The following SH3KBP1 variants were observed in gnomAD, a reference collection of about 807,000 sequenced individuals.
The protein encoded by SH3KBP1 is SH3 domain containing kinase binding protein 1.
In SH3KBP1, 8 loss-of-function variants were observed where a neutral mutation model predicts 50.1. That is an observed-to-expected ratio of 0.16 (90% CI 0.09 to 0.29). SH3KBP1 has a LOEUF of 0.29. Among genes scored for constraint, SH3KBP1 ranks in the 10% least tolerant of loss-of-function variants. The pLI is 1.00. For synonymous variants in SH3KBP1, 227 were observed against 218.6 expected, an observed-to-expected ratio of 1.04 and a Z score of -0.34; for missense variants, 377 against 535.2, an observed-to-expected ratio of 0.70 and a Z score of 2.92.
chrX:19,810,813 C>T (rs753619706), intron 2 of SH3KBP1, among the ~76,000 whole-genome samples: 1 of 112,136 alleles, frequency 8.9e-6, no homozygotes, highest in African/African-American at 3.2e-5. Flanking sequence ...TTTTTAACCA[C>T]CACTGACAGC....
chrX:19,625,361 G>T (rs1275724157), intron 8 of SH3KBP1, among the ~76,000 whole-genome samples: 3 of 111,079 alleles, frequency 2.7e-5, no homozygotes, highest in African/African-American at 6.6e-5. Context: ...ACAGCGAGTG[G>T]AAAGCTAAGT....
At chrX:19,649,684 A>G (rs375782001) in intron 6 of SH3KBP1, among the ~76,000 whole-genome samples, 5 of 112,119 alleles carry the variant, frequency 4.5e-5, no homozygotes, top group East Asian at 5.6e-4. Flanking sequence ...TTTCGTGTAC[A>G]GTGGGAGTAT....
chrX:19,818,588 A>C (rs934765989), intron 2 of SH3KBP1, among the ~76,000 whole-genome samples: 2 of 111,338 alleles, frequency 1.8e-5, no homozygotes, highest in African/African-American at 6.5e-5. Context: ...AGTTGGGGGA[A>C]TTCCTCTCTA....
At chrX:19,537,395 T>C (rs755974302) in intron 17 of SH3KBP1, among the ~76,000 whole-genome samples, 19 of 108,023 alleles carry the variant, frequency 1.8e-4, no homozygotes, top group Non-Finnish European at 3.5e-4. Context: ...GAGGCGGAGG[T>C]TGCAGTGAGC....
intron 2 of SH3KBP1, among the ~76,000 whole-genome samples, chrX:19,783,959 CA>C (rs2066262205): frequency 8.9e-6 from 1 of 111,785 alleles, no homozygotes; most frequent in South Asian, 3.7e-4. Flanking sequence ...ATTCAAAGAC[CA>C]GCAGAATTAC....
At chrX:19,815,031 C>A (rs1230734413) in intron 2 of SH3KBP1, among the ~76,000 whole-genome samples, 9 of 112,128 alleles carry the variant, frequency 8.0e-5, no homozygotes, top group Admixed American at 3.8e-4. Flanking sequence ...TGAGAAAGAA[C>A]TGAAACACCT....
At chrX:19,822,790 C>A (rs1277986388) in intron 2 of SH3KBP1, among the ~76,000 whole-genome samples, 1 of 111,919 alleles carries the variant, frequency 8.9e-6, no homozygotes, top group African/African-American at 3.3e-5. Flanking sequence ...CTGGCATTAA[C>A]CCTATTGAGG....
At chrX:19,755,171 C>T (rs1045707474) in intron 2 of SH3KBP1, among the ~76,000 whole-genome samples, 29 of 110,886 alleles carry the variant, frequency 2.6e-4, no homozygotes, top group African/African-American at 9.2e-4. Flanking sequence ...AGTTTGAGAC[C>T]AGCCTGGCCA....
intron 16 of SH3KBP1, among the ~76,000 whole-genome samples, chrX:19,538,363 C>T (rs1227384174): frequency 9.1e-6 from 1 of 109,372 alleles, no homozygotes; most frequent in Non-Finnish European, 1.9e-5. Context: ...CACCACCATG[C>T]CAGGCCAATT....
chrX:19,808,392 T>A (rs915560727), intron 2 of SH3KBP1, among the ~76,000 whole-genome samples: 9 of 109,975 alleles, frequency 8.2e-5, no homozygotes, highest in Non-Finnish European at 1.3e-4. Flanking sequence ...CCATCCCCCA[T>A]CTGCAATGGT....
chrX:19,647,594 C>T (rs2062018687), intron 6 of SH3KBP1, among the ~76,000 whole-genome samples: 1 of 111,645 alleles, frequency 9.0e-6, no homozygotes, highest in Non-Finnish European at 1.9e-5. Context: ...GATGGTGAAG[C>T]TGGTATTATC....
intron 2 of SH3KBP1, among the ~76,000 whole-genome samples, chrX:19,803,898 C>A (rs2066956444): frequency 8.9e-6 from 1 of 112,180 alleles, no homozygotes; most frequent in African/African-American, 3.2e-5. Context: ...CCAGGCTGGG[C>A]ACAGTGGCTC....
At chrX:19,883,039 T>C (rs1326396368) in intron 1 of SH3KBP1, among the ~76,000 whole-genome samples, 1 of 112,350 alleles carries the variant, frequency 8.9e-6, no homozygotes, top group Non-Finnish European at 1.9e-5. Context: ...CAGAGTGCCT[T>C]GTGTACCCCA....
At chrX:19,567,557 AATAT>A (rs1555990522) in intron 13 of SH3KBP1, among the ~76,000 whole-genome samples, 2 of 35,087 alleles carry the variant, frequency 5.7e-5, no homozygotes, top group East Asian at 8.1e-4. Flanking sequence ...AAAAAAAAAA[AATAT>A]ATATATATAT....
At chrX:19,596,572 C>T (rs904513290) in intron 9 of SH3KBP1, among the ~76,000 whole-genome samples, 1 of 111,751 alleles carries the variant, frequency 8.9e-6, no homozygotes, top group Non-Finnish European at 1.9e-5. Context: ...AAAAATTTTT[C>T]TGTATCATGC....
rs397800260 is a variant in SH3KBP1, at chrX:19,551,550, C to CTTTTTTTTTTTTTTTTTTTTTTTT, written c.1385-1468_1385-1467insAAAAAAAAAAAAAAAAAAAAAAAA. On this transcript the variant is annotated intron_variant, in intron 13 of 17. Transcript: ENST00000397821. ...CTTTCTTTTCTTTCCCTCCCTCCCT[C>CTTTTTTTTTTTTTTTTTTTTTTTT]TTTTTTTTTTTTTTGACAGGGTCTT... 1.3e-3 allele frequency among the ~76,000 whole-genome samples: 120 copies of CTTTTTTTTTTTTTTTTTTTTTTTT among 95,126 alleles called. 5 individuals are homozygous for CTTTTTTTTTTTTTTTTTTTTTTTT. The highest frequency in any genetic ancestry group is 5.0e-3 in the African/African-American group (115 of 23,212). The allele number at this position is 95,126 out of a possible 115,157, so 82.6% of individuals were successfully genotyped here.
At chrX:19,570,064 G>A (rs1371888229) in intron 12 of SH3KBP1, among the ~76,000 whole-genome samples, 1 of 112,136 alleles carries the variant, frequency 8.9e-6, no homozygotes, top group African/African-American at 3.2e-5. Flanking sequence ...GGCCACCATG[G>A]CCTGAAGTTA....
At chrX:19,565,084 G>A (rs983664125) in intron 13 of SH3KBP1, among the ~76,000 whole-genome samples, 1 of 75,486 alleles carries the variant, frequency 1.3e-5, no homozygotes, top group South Asian at 6.6e-4. Flanking sequence ...TTTTTGAGGC[G>A]AAGTCTCGCT....
At chrX:19,821,533 AC>A (rs1476482600) in intron 2 of SH3KBP1, among the ~76,000 whole-genome samples, 1 of 110,608 alleles carries the variant, frequency 9.0e-6, no homozygotes, top group African/African-American at 3.3e-5. Flanking sequence ...TGTTTAAAAA[AC>A]TTTTTTTTTT....
Sources: allele counts gnomAD v4.1 joint callset (sites outside exome capture counted in the v4.1 genomes callset), GRCh38; gene constraint gnomAD v4.1.1; transcripts MANE v1.5; gene names NCBI Gene and HGNC (gene_info 2026-07-23, HGNC 2026-07-21).